Variants in AFF3 observed in about 807,000 individuals in gnomAD.
AFF3 encodes ALF transcription elongation factor 3.
A neutral mutation model predicts 129.7 loss-of-function variants in AFF3; 32 were observed. The observed-to-expected ratio is 0.25, with a 90% CI of 0.19 to 0.33. The LOEUF (loss-of-function observed/expected upper bound fraction) is 0.33. Ranked by LOEUF, AFF3 falls within the 10% of genes least tolerant of loss-of-function variation. AFF3 has a pLI of 1.00. For synonymous variants in AFF3, 644 were observed against 635.4 expected, an observed-to-expected ratio of 1.01 and a Z score of -0.20; for missense variants, 1,373 against 1,592.0, an observed-to-expected ratio of 0.86 and a Z score of 2.34.
chr2:99,676,374 A>G (rs920556592), intron 11 of AFF3, among the ~76,000 whole-genome samples: 3 of 152,158 alleles, frequency 2.0e-5, no homozygotes, highest in Non-Finnish European at 4.4e-5. Context: ...GGTGGGTGCT[A>G]CAGGGGGCTG....
At chr2:99,729,346 TAGC>T (rs1679618692) in intron 10 of AFF3, among the ~76,000 whole-genome samples, 1 of 152,056 alleles carries the variant, frequency 6.6e-6, no homozygotes, top group Non-Finnish European at 1.5e-5. Flanking sequence ...TCTTTGCTCT[TAGC>T]AGCACTTATG....
intron 10 of AFF3, among the ~76,000 whole-genome samples, chr2:99,737,187 C>T (rs1331372994): frequency 6.6e-6 from 1 of 152,086 alleles, no homozygotes; most frequent in Non-Finnish European, 1.5e-5. Flanking sequence ...GATTTTAATT[C>T]CACATTCTCA....
intron 7 of AFF3, among the ~76,000 whole-genome samples, chr2:99,897,759 G>A (rs1049867852): frequency 6.6e-6 from 1 of 152,072 alleles, no homozygotes; most frequent in Non-Finnish European, 1.5e-5. Flanking sequence ...TTAGGAGTGA[G>A]ACACACATAT....
At chr2:99,890,847 T>C (rs1288496741) in intron 7 of AFF3, among the ~76,000 whole-genome samples, 1 of 152,050 alleles carries the variant, frequency 6.6e-6, no homozygotes, top group Non-Finnish European at 1.5e-5. Context: ...TTCATTTCCT[T>C]GCTCACTGGG....
intron 7 of AFF3, among the ~76,000 whole-genome samples, chr2:99,877,015 T>C (rs575495006): frequency 4.5e-4 from 69 of 151,928 alleles, no homozygotes; most frequent in African/African-American, 1.5e-3. Context: ...TAAGGGCAGG[T>C]TGGTAGAGTG....
At chr2:99,723,936 CAA>C (rs1444465092) in intron 11 of AFF3, among the ~76,000 whole-genome samples, 1 of 152,282 alleles carries the variant, frequency 6.6e-6, no homozygotes, top group East Asian at 1.9e-4. Flanking sequence ...CGGTCACCTA[CAA>C]GCGAAGGAGA....
At chr2:100,023,998 C>A (rs376272061) in intron 4 of AFF3, among the ~76,000 whole-genome samples, 1 of 141,762 alleles carries the variant, frequency 7.1e-6, no homozygotes, top group Admixed American at 7.0e-5. Flanking sequence ...TTTGGGAGGC[C>A]GAGGCGGGCG....
At chr2:99,759,405 G>A (rs1020574701) in intron 8 of AFF3, among the ~76,000 whole-genome samples, 4 of 150,070 alleles carry the variant, frequency 2.7e-5, no homozygotes, top group Non-Finnish European at 4.4e-5. Context: ...AAACATAATC[G>A]CCTAAAGAAG....
intron 7 of AFF3, among the ~76,000 whole-genome samples, chr2:99,892,231 TTTAA>T (rs1450466797): frequency 1.3e-5 from 2 of 152,196 alleles, no homozygotes; most frequent in African/African-American, 4.8e-5. Flanking sequence ...ATTAATAATG[TTTAA>T]TTAAACGTCT....
chr2:100,133,040 C>T (rs1692488584), intron 1 of AFF3, among the ~76,000 whole-genome samples: 1 of 151,436 alleles, frequency 6.6e-6, no homozygotes, highest in South Asian at 2.1e-4. Context: ...GTGATCCTTC[C>T]ACCTCAGCCT....
At chr2:100,080,690 G>C (rs970627424) in intron 4 of AFF3, among the ~76,000 whole-genome samples, 1 of 152,136 alleles carries the variant, frequency 6.6e-6, no homozygotes, top group African/African-American at 2.4e-5. Context: ...TTTTACTTGA[G>C]GGAAATGATC....
chr2:100,032,150 G>C (rs1684542503), intron 4 of AFF3, among the ~76,000 whole-genome samples: 2 of 152,188 alleles, frequency 1.3e-5, no homozygotes, highest in Non-Finnish European at 2.9e-5. Context: ...AGAGAGGCCA[G>C]GTATGGTGGC....
chr2:100,094,506 A>G (rs528563322), intron 4 of AFF3, among the ~76,000 whole-genome samples: 58 of 152,146 alleles, frequency 3.8e-4, no homozygotes, highest in African/African-American at 1.4e-3. Flanking sequence ...AATGTTAGCA[A>G]TGGGGAGCAG....
At chr2:99,679,567 T>C (rs902212460) in intron 11 of AFF3, among the ~76,000 whole-genome samples, 1 of 152,172 alleles carries the variant, frequency 6.6e-6, no homozygotes, top group African/African-American at 2.4e-5. Flanking sequence ...CAGTCAACTG[T>C]CTTTCCCAAC....
At chr2:99,766,083 A>G (rs1682985165) in intron 8 of AFF3, among the ~76,000 whole-genome samples, 1 of 152,192 alleles carries the variant, frequency 6.6e-6, no homozygotes, top group South Asian at 2.1e-4. Context: ...CTGGGAGTGT[A>G]GCGGGAGGCT....
At chr2:100,136,197 G>A (rs1692635805) in intron 1 of AFF3, among the ~76,000 whole-genome samples, 1 of 152,216 alleles carries the variant, frequency 6.6e-6, no homozygotes, top group Admixed American at 6.5e-5. Context: ...GTCAGGGCTG[G>A]GAGATGTAAG....
chr2:99,746,767 A>G (rs1034671735), intron 9 of AFF3, among the ~76,000 whole-genome samples: 2 of 152,192 alleles, frequency 1.3e-5, no homozygotes, highest in East Asian at 3.9e-4. Context: ...AGGGAATTCA[A>G]GAGTTTATAT....
intron 9 of AFF3, among the ~76,000 whole-genome samples, chr2:99,745,259 GT>G (rs1388711957): frequency 6.6e-6 from 1 of 152,054 alleles, no homozygotes; most frequent in African/African-American, 2.4e-5. Flanking sequence ...TCTTGATATA[GT>G]TTGGATACTA....
chr2:99,777,212 T>C (rs1471273149), intron 8 of AFF3, among the ~76,000 whole-genome samples: 3 of 152,038 alleles, frequency 2.0e-5, no homozygotes, highest in African/African-American at 7.2e-5. Flanking sequence ...CCACGCTGAG[T>C]TCCTACCCAG....
Sources: allele counts gnomAD v4.1 joint callset (sites outside exome capture counted in the v4.1 genomes callset), GRCh38; gene constraint gnomAD v4.1.1; transcripts MANE v1.5; gene names NCBI Gene and HGNC (gene_info 2026-07-23, HGNC 2026-07-21).